Variants in CDH2 observed in about 807,000 individuals in gnomAD.
CDH2 encodes cadherin-2.
In CDH2, 17 loss-of-function variants were observed where a neutral mutation model predicts 92.0. The ratio of observed to expected loss-of-function variants is 0.18; its 90% CI spans 0.13 to 0.28. The LOEUF (loss-of-function observed/expected upper bound fraction) is 0.28, where lower values mean the gene tolerates loss of function less well. Ranked by LOEUF, CDH2 falls within the 10% of genes least tolerant of loss-of-function variation. The pLI is 1.00. For synonymous variants in CDH2, 419 were observed against 415.9 expected (o/e 1.01, Z -0.09); for missense variants, 862 against 1,133.1 (o/e 0.76, Z 3.44).
intron 6 of CDH2, among the ~76,000 whole-genome samples, chr18:27,938,823 A>C (rs1909075705): frequency 6.6e-6 from 1 of 152,172 alleles, no homozygotes; most frequent in Non-Finnish European, 1.5e-5. Context: ...ACGCCAATTA[A>C]CTGGTATAGA....
chr18:27,964,747 G>A (rs1396807502), intron 14 of CDH2, among the ~76,000 whole-genome samples: 1 of 152,158 alleles, frequency 6.6e-6, no homozygotes, highest in Admixed American at 6.5e-5. Flanking sequence ...AGAAAACTGA[G>A]TTTCAAATAA....
intron 15 of CDH2, among the ~76,000 whole-genome samples, chr18:27,956,794 T>G (rs895970112): frequency 2.6e-5 from 4 of 152,160 alleles, no homozygotes; most frequent in Non-Finnish European, 5.9e-5. Context: ...AAACAATTAT[T>G]TAAGAAAATT....
Position 28,132,343 on chromosome 18 carries a change from C to T in CDH2, c.172+15330G>A, listed in dbSNP as rs565381942. Among the ~76,000 whole-genome samples the T allele has an allele frequency of 4.6e-5, 7 of 152,326 alleles. No individual in the cohort carries two copies. The East Asian group carries it at 1.4e-3, about 29-fold the overall frequency. ...AAGCTTCTGGATTATATTAATTCAG[C>T]AGCTCAATGATTTCATTAAGGGCCA... On this transcript the variant is annotated intron_variant, in intron 2 of 15. Transcript: ENST00000269141.
chr18:28,049,638 C>T (rs923918050), intron 2 of CDH2, among the ~76,000 whole-genome samples: 2 of 152,182 alleles, frequency 1.3e-5, no homozygotes, highest in African/African-American at 4.8e-5. Context: ...GATTAACTCA[C>T]CACTGAATAG....
chr18:28,059,839 T>C (rs546803947), intron 2 of CDH2, among the ~76,000 whole-genome samples: 1 of 152,364 alleles, frequency 6.6e-6, no homozygotes, highest in Non-Finnish European at 1.5e-5. Flanking sequence ...GATTGGTTGA[T>C]AGGTCTCTTC....
chr18:27,969,145 G>A (rs2011598200), intron 14 of CDH2, among the ~76,000 whole-genome samples: 1 of 152,132 alleles, frequency 6.6e-6, no homozygotes, highest in Non-Finnish European at 1.5e-5. Context: ...TAGATTCCAT[G>A]GATTATCACA....
chr18:28,042,328 T>C (rs2013963264), intron 2 of CDH2, among the ~76,000 whole-genome samples: 1 of 152,186 alleles, frequency 6.6e-6, no homozygotes, highest in Non-Finnish European at 1.5e-5. Context: ...TCTTTGGTAA[T>C]TGCGTTATCA....
intron 2 of CDH2, among the ~76,000 whole-genome samples, chr18:28,130,982 TA>T (rs1440643119): frequency 2.0e-5 from 3 of 152,294 alleles, no homozygotes; most frequent in African/African-American, 7.2e-5. Context: ...ATGGAATCTT[TA>T]TTTTTATTAA....
chr18:27,988,694 CT>C, intron 10 of CDH2, 28 bp from the exon 11 acceptor site: 2 of 1,525,644 alleles, frequency 1.3e-6, no homozygotes, highest in South Asian at 1.2e-5. Flanking sequence ...AGTTTAATTT[CT>C]TTTTATGAAA....
At chr18:27,972,414 T>C (rs957305884) in intron 14 of CDH2, among the ~76,000 whole-genome samples, 14 of 152,294 alleles carry the variant, frequency 9.2e-5, no homozygotes, top group African/African-American at 3.4e-4. Context: ...TCACAGTGCA[T>C]GAGAGCCTGA....
downstream of CDH2, among the ~76,000 whole-genome samples, chr18:27,950,699 G>A (rs1024114250): frequency 1.3e-5 from 2 of 152,074 alleles, no homozygotes; most frequent in Admixed American, 1.3e-4. Flanking sequence ...AATTAACACC[G>A]AAGTTCACTG....
At chr18:28,058,907 T>G (rs2014348309) in intron 2 of CDH2, among the ~76,000 whole-genome samples, 1 of 152,214 alleles carries the variant, frequency 6.6e-6, no homozygotes, top group African/African-American at 2.4e-5. Context: ...ATATCTTAAG[T>G]ATTGTAGACA....
chr18:27,981,493 A>C (rs904114999), intron 14 of CDH2, among the ~76,000 whole-genome samples: 29 of 152,202 alleles, frequency 1.9e-4, no homozygotes, highest in African/African-American at 6.8e-4. Flanking sequence ...CTTCTAAATG[A>C]GAGAGCTGGG....
intron 2 of CDH2, among the ~76,000 whole-genome samples, chr18:28,028,901 A>G (rs1246187286): frequency 6.6e-6 from 1 of 152,176 alleles, no homozygotes. Context: ...AGATATTCAA[A>G]GCAATGACAT....
rs193177165 is a variant in CDH2, at chr18:28,036,196, G to A, written c.173-22287C>T. On this transcript the variant is annotated intron_variant, in intron 2 of 15. Coordinates refer to ENST00000269141, the MANE Select transcript of CDH2 (RefSeq NM_001792.5). ...GAAATACAGATGTACAACTCTCTAA[G>A]CCTACAACTCTAGAGAAGACAAGAG... Among the ~76,000 whole-genome samples, 145 of 152,180 alleles carry A rather than the reference G, an allele frequency of 9.5e-4. 1 individual carries two copies. The highest frequency in any genetic ancestry group is 1.7e-3 in the Non-Finnish European group (113 of 67,992).
At position 28,111,304 on chromosome 18, in the gene CDH2, C is replaced by T. The variant is rs111828257; in HGVS notation, c.172+36369G>A. 4.3e-3 allele frequency among the ~76,000 whole-genome samples: 659 copies of T among 152,308 alleles called. 17 individuals are homozygous for T. Among genetic ancestry groups the T allele is most frequent in the African/African-American group, 0.015 (636 of 41,570 alleles). On this transcript the variant is annotated intron_variant, in intron 2 of 15. Transcript: ENST00000269141. ...GATATTTCGAGGCATGGGTGTAGCACGTGCATACGTGACCCCAATCCCAAA... is the reference window on the plus strand; with the variant it reads ...GATATTTCGAGGCATGGGTGTAGCATGTGCATACGTGACCCCAATCCCAAA...
downstream of CDH2, among the ~76,000 whole-genome samples, chr18:27,947,073 GA>G (rs368795621): frequency 3.4e-3 from 490 of 145,752 alleles, 2 homozygotes; most frequent in South Asian, 8.4e-3. Context: ...TAATGGTACA[GA>G]AAAAAAAAAT....
Position 27,990,083 on chromosome 18 carries a change from AC to A in CDH2, c.1598+13del. On this transcript the variant is annotated intron_variant, in intron 10 of 15. Coordinates refer to ENST00000269141, the MANE Select transcript of CDH2 (RefSeq NM_001792.5). The stretch of plus-strand genomic sequence containing the variant: ...TAAGTAAGCTACAAAAACACTACAA[AC>A]AGCATTTCATACCTAATATTTTGCT... The A allele has an allele frequency of 6.2e-7, 1 of 1,610,588 alleles. No individual in the cohort carries two copies. Among genetic ancestry groups the A allele is most frequent in the Non-Finnish European group, 8.5e-7 (1 of 1,176,878 alleles).
chr18:28,051,230 T>C (rs1178553475), intron 2 of CDH2, among the ~76,000 whole-genome samples: 2 of 152,202 alleles, frequency 1.3e-5, no homozygotes, highest in African/African-American at 4.8e-5. Flanking sequence ...GTAGTCGGGA[T>C]TTCTCTATTT....
Sources: gnomAD v4.1 joint callset for allele counts (sites outside exome capture counted in the v4.1 genomes callset) on GRCh38, gnomAD v4.1.1 for gene constraint, MANE v1.5 for transcripts, NCBI Gene and HGNC (gene_info 2026-07-23, HGNC 2026-07-21) for gene names.